Variants in PLXDC2 observed in about 807,000 individuals in gnomAD.
PLXDC2 encodes the protein plexin domain-containing protein 2.
In PLXDC2, 40 loss-of-function variants were observed where a neutral mutation model predicts 68.9. The ratio of observed to expected loss-of-function variants is 0.58; its 90% CI spans 0.45 to 0.76. The LOEUF is 0.76. Ranked by LOEUF, PLXDC2 falls within the 30% of genes least tolerant of loss-of-function variation. The pLI is 0.00. For missense variants in PLXDC2, 644 were observed against 661.9 expected (o/e 0.97, Z 0.30); for synonymous variants, 243 against 234.2 (o/e 1.04, Z -0.34).
intron 7 of PLXDC2, among the ~76,000 whole-genome samples, chr10:20,165,074 C>T (rs1263530592): frequency 6.6e-6 from 1 of 152,156 alleles, no homozygotes; most frequent in Non-Finnish European, 1.5e-5. Flanking sequence ...CTTCCTGCCT[C>T]AGCCTCCCAA....
At chr10:19,848,371 C>G (rs946988301) in intron 1 of PLXDC2, among the ~76,000 whole-genome samples, 26 of 152,266 alleles carry the variant, frequency 1.7e-4, no homozygotes, top group South Asian at 2.1e-4. Flanking sequence ...CTTACCTCTA[C>G]TCCCTGCAGA....
At chr10:20,261,316 G>C (rs373262187) in intron 13 of PLXDC2, among the ~76,000 whole-genome samples, 1 of 152,122 alleles carries the variant, frequency 6.6e-6, no homozygotes, top group Non-Finnish European at 1.5e-5. Context: ...GAATTTGATG[G>C]CTTCAGGTCT....
intron 3 of PLXDC2, among the ~76,000 whole-genome samples, chr10:20,049,310 T>C (rs1356042549): frequency 1.3e-5 from 2 of 152,094 alleles, no homozygotes; most frequent in African/African-American, 4.8e-5. Context: ...AACACAAGGA[T>C]GACCTCTGTC....
At chr10:19,942,662 G>A (rs1403268971) in intron 1 of PLXDC2, among the ~76,000 whole-genome samples, 1 of 152,132 alleles carries the variant, frequency 6.6e-6, no homozygotes, top group Non-Finnish European at 1.5e-5. Context: ...TATTCAGGTG[G>A]CTGAAGCAGG....
intron 1 of PLXDC2, among the ~76,000 whole-genome samples, chr10:19,965,727 G>C (rs976639336): frequency 2.7e-5 from 4 of 147,136 alleles, no homozygotes; most frequent in Non-Finnish European, 6.0e-5. Context: ...TTGGGGGGGG[G>C]GGTTACATAA....
chr10:19,983,323 C>T lies in PLXDC2; in HGVS notation c.113-18452C>T, dbSNP rs1307489300. ...GAAAGAGGACATACTGTTAATCTTGCGAAAAAGAAAAAGAAAGGAAAGAAA... is the reference window on the plus strand; with the variant it reads ...GAAAGAGGACATACTGTTAATCTTGTGAAAAAGAAAAAGAAAGGAAAGAAA... On this transcript the variant is annotated intron_variant, in intron 1 of 13. Transcript: ENST00000377252. Among the ~76,000 whole-genome samples, 6 of 151,932 alleles carry T rather than the reference C, an allele frequency of 3.9e-5. No homozygotes were observed. In the East Asian group the frequency reaches 7.8e-4, roughly 20 times the overall value.
At chr10:20,110,278 C>T (rs911828394) in intron 4 of PLXDC2, among the ~76,000 whole-genome samples, 2 of 152,072 alleles carry the variant, frequency 1.3e-5, no homozygotes, top group African/African-American at 4.8e-5. Flanking sequence ...AAGGCCTGCC[C>T]TTGCCTATCC....
chr10:20,088,094 T>C (rs948319254), intron 4 of PLXDC2, among the ~76,000 whole-genome samples: 3 of 152,112 alleles, frequency 2.0e-5, no homozygotes, highest in Non-Finnish European at 4.4e-5. Context: ...CAGCCATGGG[T>C]CAAAGAGTGA....
chr10:20,068,263 C>T (rs1315423426), intron 4 of PLXDC2, 24 bp downstream of exon 4: 2 of 1,560,250 alleles, frequency 1.3e-6, no homozygotes, highest in South Asian at 1.1e-5. Flanking sequence ...TACCCATTCA[C>T]CTTAAGTAAT....
intron 13 of PLXDC2, among the ~76,000 whole-genome samples, chr10:20,252,880 G>T (rs930723274): frequency 2.0e-5 from 3 of 152,146 alleles, no homozygotes; most frequent in African/African-American, 7.2e-5. Context: ...TTAATTGCTT[G>T]AGCAATGTTA....
chr10:20,146,512 CT>C (rs1286428715), intron 5 of PLXDC2, among the ~76,000 whole-genome samples: 43 of 143,246 alleles, frequency 3.0e-4, no homozygotes, highest in African/African-American at 7.0e-4. Flanking sequence ...TCCTTCCTTC[CT>C]TCCTTCCTCC....
chr10:19,829,738 A>AC (rs1256419355), intron 1 of PLXDC2, among the ~76,000 whole-genome samples: 1 of 152,146 alleles, frequency 6.6e-6, no homozygotes, highest in African/African-American at 2.4e-5. Flanking sequence ...AAAAGTAAAA[A>AC]TTTAAAAAAA....
At chr10:20,034,712 A>C (rs573022035) in intron 2 of PLXDC2, among the ~76,000 whole-genome samples, 22 of 152,342 alleles carry the variant, frequency 1.4e-4, no homozygotes, top group Non-Finnish European at 3.1e-4. Context: ...TACATACAAC[A>C]TTTCTGTCAA....
At chr10:20,115,366 T>C (rs1416063557) in intron 4 of PLXDC2, among the ~76,000 whole-genome samples, 1 of 152,144 alleles carries the variant, frequency 6.6e-6, no homozygotes, top group East Asian at 1.9e-4. Flanking sequence ...AGGCCAGAAA[T>C]AAGTAGCCAC....
chr10:20,051,476 C>A (rs1438792771), intron 3 of PLXDC2, among the ~76,000 whole-genome samples: 1 of 142,134 alleles, frequency 7.0e-6, no homozygotes, highest in Non-Finnish European at 1.5e-5. Flanking sequence ...TCTCAAGATG[C>A]AATATACACT....
Position 20,217,596 on chromosome 10 carries a change from CTTTTTTTTTTT to C in PLXDC2, c.1273+38_1273+48del, listed in dbSNP as rs66483508. On this transcript the variant is annotated intron_variant, in intron 11 of 13. Transcript: ENST00000377252. ...CAGAAGGTACCCAAGAGATAGTTTG[CTTTTTTTTTTT>C]TTTTTTTTTTTTTTTTTCCCTGAAG... The C allele has an allele frequency of 2.4e-4, 187 of 785,012 alleles. No homozygotes were observed. The East Asian group carries it at 5.6e-3, about 23-fold the overall frequency. 48.6% of individuals were successfully genotyped at this position (785,012 alleles called of 1,614,324 possible).
At chr10:19,985,324 A>G (rs917012224) in intron 1 of PLXDC2, among the ~76,000 whole-genome samples, 6 of 152,340 alleles carry the variant, frequency 3.9e-5, no homozygotes, top group Non-Finnish European at 7.3e-5. Flanking sequence ...ACAGAGGAAA[A>G]TGGGGATAGA....
intron 1 of PLXDC2, among the ~76,000 whole-genome samples, chr10:19,962,949 A>G (rs1340618245): frequency 6.7e-6 from 1 of 149,398 alleles, no homozygotes; most frequent in Non-Finnish European, 1.5e-5. Context: ...GAGATCGTGA[A>G]ACTGTACTCC....
intron 13 of PLXDC2, among the ~76,000 whole-genome samples, chr10:20,253,375 T>C (rs1255007065): frequency 6.7e-6 from 1 of 148,786 alleles, no homozygotes; most frequent in Non-Finnish European, 1.5e-5. Flanking sequence ...AAAATGATAA[T>C]AATAATAATA....
Sources: allele counts gnomAD v4.1 joint callset (sites outside exome capture counted in the v4.1 genomes callset), GRCh38; gene constraint gnomAD v4.1.1; transcripts MANE v1.5; gene names NCBI Gene and HGNC (gene_info 2026-07-23, HGNC 2026-07-21).